BCAS3: variants seen among roughly 807,000 people sequenced by gnomAD.
The protein encoded by BCAS3 is BCAS3 microtubule associated cell migration factor, also known as BCAS4/BCAS3 fusion.
Under a neutral mutation model 116.1 loss-of-function variants are expected in BCAS3, and 53 were observed. The ratio of observed to expected loss-of-function variants is 0.46; its 90% CI spans 0.37 to 0.57. BCAS3 has a LOEUF of 0.57. Among genes scored for constraint, BCAS3 ranks in the 20% least tolerant of loss-of-function variants. The pLI is 0.00. For missense variants in BCAS3, 917 were observed against 1,165.4 expected (o/e 0.79, Z 3.10); for synonymous variants, 391 against 408.2 (o/e 0.96, Z 0.51).
rs563279169 is a variant in BCAS3, at chr17:61,070,758, C to T, written c.2030-4162C>T. On this transcript the variant is annotated intron_variant, in intron 19 of 23. Transcript: ENST00000407086. ...GGCTGGCCTTCTGTATTTACACAGG[C>T]AGCCTGGTAACATTAGAAAGAATTA... Among the ~76,000 whole-genome samples the T allele has an allele frequency of 2.0e-5, 3 of 152,216 alleles. No homozygotes were observed. In the South Asian group the frequency reaches 6.2e-4, roughly 32 times the overall value.
chr17:60,755,935 T>C (rs2042948279), intron 6 of BCAS3, among the ~76,000 whole-genome samples: 1 of 152,222 alleles, frequency 6.6e-6, no homozygotes, highest in Non-Finnish European at 1.5e-5. Flanking sequence ...CATTTCTATG[T>C]GCTGGTAACA....
intron 7 of BCAS3, among the ~76,000 whole-genome samples, chr17:60,847,054 A>G (rs1035946438): frequency 3.3e-5 from 5 of 152,166 alleles, no homozygotes; most frequent in African/African-American, 7.2e-5. Context: ...GGTATTTCAT[A>G]TAACTGGATT....
At chr17:60,707,439 T>G (rs1426831898) in intron 4 of BCAS3, among the ~76,000 whole-genome samples, 2 of 152,198 alleles carry the variant, frequency 1.3e-5, no homozygotes, top group Non-Finnish European at 2.9e-5. Flanking sequence ...CATTGGGGGA[T>G]GGGGGGTACT....
chr17:61,274,281 ATTTTTT>A (rs780529516), intron 22 of BCAS3, among the ~76,000 whole-genome samples: 8 of 96,240 alleles, frequency 8.3e-5, no homozygotes, highest in East Asian at 3.0e-4. Context: ...AAATCTTTGA[ATTTTTT>A]TTTTTTTTTT....
intron 22 of BCAS3, among the ~76,000 whole-genome samples, chr17:61,322,830 CAGAGAG>C (rs1237128472): frequency 5.0e-4 from 38 of 75,490 alleles, no homozygotes; most frequent in East Asian, 1.2e-3. Context: ...GAGAGAGAGA[CAGAGAG>C]AGAGAGAGAG....
intron 22 of BCAS3, among the ~76,000 whole-genome samples, chr17:61,263,299 G>A (rs1385199679): frequency 6.6e-6 from 1 of 152,250 alleles, no homozygotes; most frequent in African/African-American, 2.4e-5. Flanking sequence ...TCAGAACCCA[G>A]ACAGTGCTCT....
rs2145159063 is a variant in BCAS3, at chr17:60,924,442, T to C, written c.1029T>C (p.Ile343=). Residue 343 remains isoleucine (I), a synonymous_variant, in exon 13 of 24, where the codon ATT becomes ATC. Transcript: ENST00000407086. ...GTGAGGATTCTGACAGTGATGGCATTGTGGCCCACTTCCCTGCCCATGAGA... is the reference window on the plus strand; with the variant it reads ...GTGAGGATTCTGACAGTGATGGCATCGTGGCCCACTTCCCTGCCCATGAGA... The part of the protein sequence containing the change: ...LVSEDSDSDG[I]VAHFPAHEKP... 6.2e-7 allele frequency: 1 copy of C among 1,613,952 alleles called. No homozygotes were observed. Among genetic ancestry groups the C allele is most frequent in the Non-Finnish European group, 8.5e-7 (1 of 1,179,906 alleles).
At position 61,244,262 on chromosome 17, in the gene BCAS3, G is replaced by A. The variant is rs1243316087; in HGVS notation, c.2426-124065G>A. ...CTATTAACATTATGGTATTTATTAA[G>A]ATTCTTCTATGCATTTGTATACACA... On this transcript the variant is annotated intron_variant, in intron 22 of 23. Coordinates refer to ENST00000407086, the MANE Select transcript of BCAS3 (RefSeq NM_017679.5). This position sits in a 1 kb window ranked among gnomAD's most constrained non-coding sequence, Gnocchi z 4.9. Among the ~76,000 whole-genome samples the A allele has an allele frequency of 6.6e-6, 1 of 152,054 alleles. No homozygotes were observed. The highest frequency in any genetic ancestry group is 2.4e-5 in the African/African-American group (1 of 41,416).
intron 22 of BCAS3, among the ~76,000 whole-genome samples, chr17:61,178,434 A>C (rs1036888096): frequency 6.6e-5 from 10 of 152,056 alleles, no homozygotes; most frequent in Admixed American, 2.0e-4. Context: ...GACTAGAGTT[A>C]TTCTTCTTTT....
chr17:61,322,808 G>GAGAGAGAGAC (rs2055355616), intron 22 of BCAS3, among the ~76,000 whole-genome samples: 3 of 129,036 alleles, frequency 2.3e-5, no homozygotes, highest in East Asian at 2.1e-4. Context: ...GAGAGAGAGA[G>GAGAGAGAGAC]AGAGAGAGAG....
At chr17:61,149,086 A>G (rs7211464) in intron 22 of BCAS3, among the ~76,000 whole-genome samples, 2 of 152,022 alleles carry the variant, frequency 1.3e-5, no homozygotes, top group Non-Finnish European at 2.9e-5. Context: ...GAGTTCTTCA[A>G]GTTTCTCAAA....
At position 61,063,562 on chromosome 17, in the gene BCAS3, C is replaced by T. The variant is rs923675044; in HGVS notation, c.2030-11358C>T. Among the ~76,000 whole-genome samples the T allele has an allele frequency of 1.6e-4, 24 of 152,156 alleles. No homozygotes were observed. Among genetic ancestry groups the T allele is most frequent in the Non-Finnish European group, 2.5e-4 (17 of 68,022 alleles). ...GATTACAGGCATGAGCCACCATGCC[C>T]GGCCTCCTGTTATAGTTCTTTGAAG... On this transcript the variant is annotated intron_variant, in intron 19 of 23. Transcript: ENST00000407086. The surrounding 1 kb of genome is among the most constrained non-coding windows in gnomAD (Gnocchi z 5.3).
intron 22 of BCAS3, among the ~76,000 whole-genome samples, chr17:61,137,588 A>T (rs2076710708): frequency 6.6e-6 from 1 of 151,816 alleles, no homozygotes; most frequent in Non-Finnish European, 1.5e-5. Context: ...GGCCAACATG[A>T]TGAAACCCTG....
intron 22 of BCAS3, among the ~76,000 whole-genome samples, chr17:61,127,896 G>A (rs549116358): frequency 6.6e-6 from 1 of 151,758 alleles, no homozygotes; most frequent in African/African-American, 2.4e-5. Context: ...CTGCTTCTGT[G>A]TGAAAAAAGA....
At chr17:61,086,384 C>A (rs936322207) in intron 22 of BCAS3, among the ~76,000 whole-genome samples, 3 of 152,184 alleles carry the variant, frequency 2.0e-5, no homozygotes, top group Non-Finnish European at 4.4e-5. Flanking sequence ...TGAGCCACTG[C>A]GTCTGGCCAA....
chr17:60,998,808 C>T (rs1247979681), intron 15 of BCAS3, among the ~76,000 whole-genome samples: 2 of 152,020 alleles, frequency 1.3e-5, no homozygotes, highest in Admixed American at 6.5e-5. Flanking sequence ...TAGTCAGAAG[C>T]TCTTTAGTTT....
chr17:61,109,206 A>G (rs939683031), intron 22 of BCAS3, among the ~76,000 whole-genome samples: 1 of 151,570 alleles, frequency 6.6e-6, no homozygotes, highest in Non-Finnish European at 1.5e-5. Flanking sequence ...AAAAAAAAGA[A>G]TAATAGTCCC....
intron 22 of BCAS3, among the ~76,000 whole-genome samples, chr17:61,232,638 C>G (rs1472372990): frequency 6.6e-6 from 1 of 152,068 alleles, no homozygotes; most frequent in Non-Finnish European, 1.5e-5. Flanking sequence ...CCTGAGGATC[C>G]AGGACCGGTG....
intron 5 of BCAS3, among the ~76,000 whole-genome samples, chr17:60,726,093 C>T (rs1010593039): frequency 1.2e-4 from 18 of 149,766 alleles, no homozygotes; most frequent in Admixed American, 4.7e-4. Flanking sequence ...CAGGGTTTCT[C>T]CATGTTGGTC....
Sources: allele counts gnomAD v4.1 joint callset (sites outside exome capture counted in the v4.1 genomes callset), GRCh38; gene constraint gnomAD v4.1.1; non-coding constraint Gnocchi (gnomAD v3.1); transcripts MANE v1.5; gene names NCBI Gene and HGNC (gene_info 2026-07-23, HGNC 2026-07-21).